Variants in CHKA observed in about 807,000 individuals in gnomAD.
The protein encoded by CHKA is CHETK-alpha.
A neutral mutation model predicts 60.1 loss-of-function variants in CHKA; 34 were observed. That is an observed-to-expected ratio of 0.57 (90% CI 0.43 to 0.75). CHKA has a LOEUF of 0.75. Among genes scored for constraint, CHKA ranks in the 30% least tolerant of loss-of-function variants. The pLI is 0.00. For missense variants in CHKA, 563 were observed against 561.3 expected, an observed-to-expected ratio of 1.00 and a Z score of -0.03; for synonymous variants, 217 against 223.1, an observed-to-expected ratio of 0.97 and a Z score of 0.24.
intron 11 of CHKA, among the ~76,000 whole-genome samples, chr11:68,058,618 T>TAC (rs1173968320): frequency 6.6e-6 from 1 of 152,260 alleles, no homozygotes; most frequent in African/African-American, 2.4e-5. Flanking sequence ...GTGACTTTGA[T>TAC]AAACTCATTC....
chr11:68,097,155 G>A, intron 1 of CHKA, 25 bp from the exon 2 acceptor site: 1 of 1,568,068 alleles, frequency 6.4e-7, no homozygotes. Flanking sequence ...AGGACAGTAA[G>A]TATCTTTATT....
At chr11:68,065,935 C>A in intron 8 of CHKA, 41 bp from the exon 9 acceptor site, 1 of 1,406,784 alleles carries the variant, frequency 7.1e-7, no homozygotes, top group Non-Finnish European at 1.0e-6. Flanking sequence ...TGAGGCAAAC[C>A]GTATGCCTGG....
In CHKA at chr11:68,121,342, C is replaced by CGACTGTGGA. The variant is rs1453370092; in HGVS notation, c.-174_-166dup. On this transcript the variant is annotated 5_prime_UTR_variant, in exon 1 of 12. Transcript: ENST00000265689. ...GCGGCGGCGGCTGCGGCGACTGCGG[C>CGACTGTGGA]GACTGTGGAGCGGGGATGTGCTGCT... 3,361 of 322,392 alleles carry CGACTGTGGA rather than the reference C, an allele frequency of 0.01. 126 individuals carry two copies. The highest frequency in any genetic ancestry group is 0.071 in the African/African-American group (3,148 of 44,166). 20.0% of individuals were successfully genotyped at this position (322,392 alleles called of 1,614,324 possible).
chr11:68,120,330 A>T (rs1008675704), intron 1 of CHKA, among the ~76,000 whole-genome samples: 1 of 152,136 alleles, frequency 6.6e-6, no homozygotes, highest in African/African-American at 2.4e-5. Context: ...GATGTCTCTT[A>T]GGGGATGAGA....
intron 7 of CHKA, 151 bp from the exon 8 acceptor site, chr11:68,066,667 C>T (rs1043762189): frequency 9.2e-6 from 6 of 650,714 alleles, no homozygotes; most frequent in African/African-American, 1.8e-5. Context: ...CTAGACAGAG[C>T]GTAGAAGTGC....
At chr11:68,110,293 T>C (rs956990027) in intron 1 of CHKA, among the ~76,000 whole-genome samples, 1 of 152,134 alleles carries the variant, frequency 6.6e-6, no homozygotes, top group Non-Finnish European at 1.5e-5. Flanking sequence ...ATTAAAAGTA[T>C]ACAGATTAGG....
At chr11:68,111,389 G>C (rs1858132936) in intron 1 of CHKA, among the ~76,000 whole-genome samples, 2 of 150,476 alleles carry the variant, frequency 1.3e-5, no homozygotes, top group South Asian at 4.2e-4. Flanking sequence ...TCCAGCCTGG[G>C]CAACAAAAGC....
chr11:68,112,671 A>G (rs1858202186), intron 1 of CHKA, among the ~76,000 whole-genome samples: 1 of 152,230 alleles, frequency 6.6e-6, no homozygotes, highest in Non-Finnish European at 1.5e-5. Context: ...CAAGAGAATG[A>G]AAAGTCACAA....
chr11:68,063,861 C>A (rs1346668726), intron 10 of CHKA, among the ~76,000 whole-genome samples: 1 of 152,192 alleles, frequency 6.6e-6, no homozygotes, highest in Non-Finnish European at 1.5e-5. Flanking sequence ...TGCCTTGCTT[C>A]CCCTTTGCCT....
chr11:68,116,329 T>C (rs976441452), intron 1 of CHKA, among the ~76,000 whole-genome samples: 2 of 152,176 alleles, frequency 1.3e-5, no homozygotes, highest in South Asian at 4.1e-4. Context: ...TCCCTGCTCT[T>C]TGGGCGGAGG....
chr11:68,064,731 C>T (rs1322942334), intron 9 of CHKA, 100 bp from the exon 10 acceptor site: 2 of 688,740 alleles, frequency 2.9e-6, no homozygotes, highest in Admixed American at 3.3e-5. Context: ...CACTGGGAGA[C>T]ACACACTCAA....
At chr11:68,074,924 C>T in intron 3 of CHKA, 94 bp from the exon 4 acceptor site, 1 of 1,082,132 alleles carries the variant, frequency 9.2e-7, no homozygotes, top group South Asian at 1.3e-5. Context: ...ATCTGATCCT[C>T]ATGAGTATTC....
intron 2 of CHKA, among the ~76,000 whole-genome samples, chr11:68,084,610 C>T (rs977910616): frequency 1.3e-5 from 2 of 150,954 alleles, no homozygotes; most frequent in Non-Finnish European, 2.9e-5. Context: ...CAAAACTAAG[C>T]TTTTTACATT....
chr11:68,069,749 T>C (rs1055668984), intron 6 of CHKA, among the ~76,000 whole-genome samples: 7 of 151,118 alleles, frequency 4.6e-5, no homozygotes, highest in Admixed American at 4.6e-4. Context: ...GCGCCAAGCA[T>C]CACTCTGAGG....
rs772772234 is a variant in CHKA at position 68,120,960 on chromosome 11, G to A, written c.218C>T (p.Pro73Leu). 9.2e-5 allele frequency: 106 copies of A among 1,147,636 alleles called. No individual in the cohort carries two copies. The African/African-American group carries it at 1.5e-3, about 16-fold the overall frequency. 71.1% of individuals were successfully genotyped at this position (1,147,636 alleles called of 1,614,324 possible). Reference protein sequence around the residue: ...LPLPLPLPQPPPPQPPADEQP... With the variant: ...LPLPLPLPQPLPPQPPADEQP... Reference sequence around the variant, plus strand: ...CTCGTCTGCGGGCGGCTGCGGCGGCGGGGGCTGGGGCAGCGGCAGCGGCAG... The same window carrying A: ...CTCGTCTGCGGGCGGCTGCGGCGGCAGGGGCTGGGGCAGCGGCAGCGGCAG... The change falls in exon 1 of 12, where the codon CCG (proline) becomes CTG (leucine). Residue 73 changes from proline to leucine, a missense_variant. Physicochemically the swap from Pro to Leu is moderately conservative, Grantham distance 98. Transcript: ENST00000265689.
At chr11:68,081,117 C>T (rs1856973411) in intron 3 of CHKA, among the ~76,000 whole-genome samples, 1 of 152,208 alleles carries the variant, frequency 6.6e-6, no homozygotes, top group Non-Finnish European at 1.5e-5. Flanking sequence ...GTACCACACA[C>T]GAATGCTCCC....
chr11:68,055,125 GC>G (rs1246354472), intron 11 of CHKA, among the ~76,000 whole-genome samples: 1 of 152,218 alleles, frequency 6.6e-6, no homozygotes, highest in African/African-American at 2.4e-5. Context: ...GGGCGAGGTG[GC>G]TCACACCTGT....
At chr11:68,074,150 A>C (rs1856710322) in intron 4 of CHKA, among the ~76,000 whole-genome samples, 1 of 152,228 alleles carries the variant, frequency 6.6e-6, no homozygotes, top group Admixed American at 6.5e-5. Flanking sequence ...CAGCAACATT[A>C]AAACTGCCTT....
chr11:68,058,894 G>A (rs1856120559), intron 11 of CHKA, among the ~76,000 whole-genome samples: 1 of 152,082 alleles, frequency 6.6e-6, no homozygotes, highest in African/African-American at 2.4e-5. Context: ...GTTGGCTGTG[G>A]GTTTTCCTTT....
Sources: gnomAD v4.1 joint callset for allele counts (sites outside exome capture counted in the v4.1 genomes callset) on GRCh38, gnomAD v4.1.1 for gene constraint, MANE v1.5 for transcripts, NCBI Gene and HGNC (gene_info 2026-07-23, HGNC 2026-07-21) for gene names.